Variants in TENM2 observed in about 807,000 individuals in gnomAD.
The protein encoded by TENM2 is teneurin-2.
Under a neutral mutation model 245.2 loss-of-function variants are expected in TENM2, and 52 were observed. That is an observed-to-expected ratio of 0.21 (90% CI 0.17 to 0.27). TENM2 has a LOEUF of 0.27. Ranked by LOEUF, TENM2 falls within the 10% of genes least tolerant of loss-of-function variation. The pLI is 1.00. For synonymous variants in TENM2, 1,363 were observed against 1,438.9 expected (o/e 0.95, Z 1.19); for missense variants, 3,046 against 3,666.8 (o/e 0.83, Z 4.37).
At chr5:167,837,837 C>T (rs569933883) in intron 2 of TENM2, among the ~76,000 whole-genome samples, 1 of 151,908 alleles carries the variant, frequency 6.6e-6, no homozygotes. Flanking sequence ...CACGCTCTTA[C>T]GCATTTGCAG....
intron 8 of TENM2, among the ~76,000 whole-genome samples, chr5:168,093,296 A>G (rs992170776): frequency 6.6e-6 from 1 of 152,218 alleles, no homozygotes; most frequent in Non-Finnish European, 1.5e-5. Flanking sequence ...GGGAATAGCA[A>G]TTCTCCCAAG....
chr5:168,010,845 G>A (rs763685520), intron 5 of TENM2, among the ~76,000 whole-genome samples: 20 of 152,310 alleles, frequency 1.3e-4, no homozygotes, highest in East Asian at 1.9e-4. Context: ...ATGCCCCTCC[G>A]CATATTCAAT....
At chr5:168,093,060 G>A (rs1793078821) in intron 8 of TENM2, among the ~76,000 whole-genome samples, 1 of 152,198 alleles carries the variant, frequency 6.6e-6, no homozygotes, top group East Asian at 1.9e-4. Context: ...CCAGGAAAAG[G>A]TGAAATCAGG....
intron 2 of TENM2, among the ~76,000 whole-genome samples, chr5:167,464,349 C>G (rs775248629): frequency 6.6e-6 from 1 of 152,162 alleles, no homozygotes; most frequent in African/African-American, 2.4e-5. Context: ...ATACCATCTA[C>G]AACCTCGTAT....
rs148727857 is a variant in TENM2 at position 168,142,864 on chromosome 5, A to C, written c.2422+15898A>C. Reference sequence around the variant, plus strand: ...TGCCTTGAAGCCTGGAATATAGTAGATGCTCAGTAAGTGCTGGCTGGCTTG... The same window carrying C: ...TGCCTTGAAGCCTGGAATATAGTAGCTGCTCAGTAAGTGCTGGCTGGCTTG... On this transcript the variant is annotated intron_variant, in intron 12 of 28. Coordinates refer to ENST00000518659, the Ensembl canonical transcript of TENM2. 2.6e-3 allele frequency among the ~76,000 whole-genome samples: 389 copies of C among 152,346 alleles called. 1 individual carries two copies. The highest frequency in any genetic ancestry group is 4.6e-3 in the Non-Finnish European group (312 of 68,032).
intron 1 of TENM2, among the ~76,000 whole-genome samples, chr5:167,351,041 T>TATATATATATATGGGATATATACATATGG (rs1554137893): frequency 2.9e-5 from 1 of 34,344 alleles, no homozygotes; most frequent in African/African-American, 7.1e-5. Flanking sequence ...TACATATGGA[T>TATATATATATATGGGATATATACATATGG]ATATATATAT....
At chr5:167,903,841 C>T (rs1318123747) in intron 3 of TENM2, among the ~76,000 whole-genome samples, 1 of 152,112 alleles carries the variant, frequency 6.6e-6, no homozygotes, top group Admixed American at 6.6e-5. Context: ...TGATGCAAGC[C>T]ATGGCAAGAG....
chr5:168,218,835 C>G lies in TENM2; in HGVS notation c.4944C>G (p.His1648Gln). ...GGGACAGCAGTGGCATGCCCCGTCA[C>G]CTGCTCATGCCTGACAACCAGATCA... Residue 1648 changes from histidine (H) to glutamine (Q), a missense_variant, in exon 23 of 29, where the codon CAC (histidine) becomes CAG (glutamine). Physicochemically the swap from His to Gln is conservative, Grantham distance 24. This residue lies in a region of TENM2 where 2,704 missense variants were observed against 3,331.9 expected (regional missense o/e 0.81). Transcript: ENST00000518659. The surrounding 1 kb of genome is among the most constrained non-coding windows in gnomAD (Gnocchi z 5.2). 1 of 1,613,988 alleles carries G rather than the reference C, an allele frequency of 6.2e-7. No individual in the cohort carries two copies. The highest frequency in any genetic ancestry group is 8.5e-7 in the Non-Finnish European group (1 of 1,179,906).
intron 2 of TENM2, among the ~76,000 whole-genome samples, chr5:167,838,930 G>A (rs1021859678): frequency 3.9e-5 from 6 of 152,322 alleles, no homozygotes; most frequent in South Asian, 4.1e-4. Context: ...ACCGCAGGGC[G>A]TGGAGTCAGA....
chr5:167,565,966 C>A (rs866107460), intron 2 of TENM2, among the ~76,000 whole-genome samples: 2 of 152,042 alleles, frequency 1.3e-5, no homozygotes, highest in Non-Finnish European at 2.9e-5. Flanking sequence ...GTTTAAGCCC[C>A]TTATTATAGG....
intron 1 of TENM2, among the ~76,000 whole-genome samples, chr5:167,364,117 T>C (rs1171773646): frequency 6.6e-6 from 1 of 152,024 alleles, no homozygotes; most frequent in African/African-American, 2.4e-5. Flanking sequence ...CTGAGTTTAA[T>C]TGGTGAAAAG....
chr5:167,764,389 G>A (rs1762868014), intron 2 of TENM2, among the ~76,000 whole-genome samples: 1 of 152,012 alleles, frequency 6.6e-6, no homozygotes, highest in South Asian at 2.1e-4. Context: ...AATTAACTTA[G>A]CAATTTAATT....
At chr5:167,550,247 C>A (rs941026069) in intron 2 of TENM2, among the ~76,000 whole-genome samples, 6 of 152,134 alleles carry the variant, frequency 3.9e-5, no homozygotes, top group African/African-American at 1.4e-4. Context: ...TAGCTACAAG[C>A]TAGAGGCAAA....
intron 2 of TENM2, among the ~76,000 whole-genome samples, chr5:167,821,511 T>C (rs2151038661): frequency 6.6e-6 from 1 of 152,254 alleles, no homozygotes; most frequent in Admixed American, 6.5e-5. Flanking sequence ...GGTTTGACAA[T>C]TATGGGATGT....
intron 27 of TENM2, among the ~76,000 whole-genome samples, chr5:168,258,885 T>TAAAAA (rs1562347923): frequency 3.1e-4 from 47 of 152,078 alleles, no homozygotes; most frequent in African/African-American, 1.1e-3. Context: ...TTTTTTTTTT[T>TAAAAA]AAAGGGAAAT....
At chr5:167,943,098 T>A (rs1779319037) in intron 3 of TENM2, among the ~76,000 whole-genome samples, 1 of 152,214 alleles carries the variant, frequency 6.6e-6, no homozygotes. Context: ...GTTTATATAG[T>A]ATGGAGAAAC....
rs756366829 is a variant in TENM2, at chr5:168,246,941, G to A, written c.6002G>A (p.Ser2001Asn). 3 of 1,614,030 alleles carry A rather than the reference G, an allele frequency of 1.9e-6. No individual in the cohort carries two copies. In the South Asian group the frequency reaches 3.3e-5, roughly 18 times the overall value. The change falls in exon 27 of 29, where the codon AGT becomes AAT. Residue 2001 changes from serine to asparagine, a missense_variant. Coordinates refer to ENST00000518659, the Ensembl canonical transcript of TENM2. Reference sequence around the variant, plus strand: ...AATGCTTCGGTCATCTTTGACTACAGTGATGACGGCCGCATCCTGAAGACC... The same window carrying A: ...AATGCTTCGGTCATCTTTGACTACAATGATGACGGCCGCATCCTGAAGACC...
chr5:168,015,668 G>A (rs867554954), intron 5 of TENM2, among the ~76,000 whole-genome samples: 9 of 152,158 alleles, frequency 5.9e-5, no homozygotes, highest in Admixed American at 3.9e-4. Flanking sequence ...CTTCATGATT[G>A]CTTCTTTTCT....
the TENM2 span, among the ~76,000 whole-genome samples, chr5:167,112,894 A>T: frequency 2.0e-5 from 3 of 152,216 alleles, no homozygotes; most frequent in African/African-American, 7.2e-5. Context: ...GAACATCATG[A>T]CAATGGCCTC....
Sources: gnomAD v4.1 joint callset for allele counts (sites outside exome capture counted in the v4.1 genomes callset) on GRCh38, gnomAD v4.1.1 for gene constraint, gnomAD v4.1.1 regional missense constraint, Gnocchi (gnomAD v3.1) non-coding constraint, MANE v1.5 for transcripts, NCBI Gene and HGNC (gene_info 2026-07-23, HGNC 2026-07-21) for gene names.